Variants in ABTB2 observed in about 807,000 individuals in gnomAD.
ABTB2 encodes the protein ankyrin repeat and BTB/POZ domain-containing protein 2.
In ABTB2, 56 loss-of-function variants were observed where a neutral mutation model predicts 104.1. That is an observed-to-expected ratio of 0.54 (90% CI 0.43 to 0.67). The LOEUF (loss-of-function observed/expected upper bound fraction) is 0.67, where lower values mean the gene tolerates loss of function less well. Ranked by LOEUF, ABTB2 falls within the 30% of genes least tolerant of loss-of-function variation. ABTB2 has a pLI of 0.00. For missense variants in ABTB2, 1,279 were observed against 1,407.7 expected (o/e 0.91, Z 1.46); for synonymous variants, 606 against 608.2 (o/e 1.00, Z 0.05).
chr11:34,306,982 T>TAAAAAAAAAAAAAAAAAA (rs61161318), intron 1 of ABTB2, among the ~76,000 whole-genome samples: 1 of 94,570 alleles, frequency 1.1e-5, no homozygotes, highest in African/African-American at 4.0e-5. Flanking sequence ...TCAGGAAACT[T>TAAAAAAAAAAAAAAAAAA]AAAAAAAAAA....
Position 34,154,427 on chromosome 11 carries a change from GC to G in ABTB2, c.2767-50del. 7.3e-7 allele frequency: 1 copy of G among 1,367,398 alleles called. No homozygotes were observed. 84.7% of individuals were successfully genotyped at this position (1,367,398 alleles called of 1,614,324 possible). On this transcript the variant is annotated intron_variant, in intron 15 of 16. Coordinates refer to ENST00000435224, the MANE Select transcript of ABTB2 (RefSeq NM_145804.3). The surrounding 1 kb of genome is among the most constrained non-coding windows in gnomAD (Gnocchi z 4.9). ...TTGGGGACCCATGGCCAGACCAGTG[GC>G]CCAGACAGCACCGAACAGAAAGCTC... is the stretch of plus-strand genomic sequence containing the variant.
chr11:34,153,518 G>T lies in ABTB2; in HGVS notation c.2880+747C>A, dbSNP rs76948748. Among the ~76,000 whole-genome samples, 161 of 152,236 alleles carry T rather than the reference G, an allele frequency of 1.1e-3. 2 individuals carry two copies. The highest frequency in any genetic ancestry group is 3.6e-3 in the African/African-American group (151 of 41,532). ...TGAGCAACTGGGACCACAGATGCAC[G>T]CCACCACACTCAGCTAGTTTGTAGA... On this transcript the variant is annotated intron_variant, in intron 16 of 16. Transcript: ENST00000435224.
intron 1 of ABTB2, among the ~76,000 whole-genome samples, chr11:34,314,096 G>T (rs1174344511): frequency 1.3e-5 from 2 of 152,184 alleles, no homozygotes; most frequent in African/African-American, 4.8e-5. Flanking sequence ...GCTAATGCTG[G>T]TCACAGAGTG....
At chr11:34,298,304 C>T (rs1564926914) in intron 1 of ABTB2, among the ~76,000 whole-genome samples, 1 of 151,966 alleles carries the variant, frequency 6.6e-6, no homozygotes, top group Non-Finnish European at 1.5e-5. Context: ...CAGACTCAAT[C>T]ATTCATGGCA....
chr11:34,289,298 C>T (rs969574440), intron 1 of ABTB2, among the ~76,000 whole-genome samples: 1 of 152,200 alleles, frequency 6.6e-6, no homozygotes, highest in Non-Finnish European at 1.5e-5. Context: ...TACACATCAA[C>T]ACAGCATTTT....
Position 34,357,203 on chromosome 11 carries a change from G to A in ABTB2, c.381C>T (p.Arg127=). Residue 127 remains arginine (R), a synonymous_variant, in exon 1 of 17, where the codon CGC becomes CGT. Coordinates refer to ENST00000435224, the MANE Select transcript of ABTB2 (RefSeq NM_145804.3). ...GTGCCCTGCGGAGCAGCCCGGCCAG[G>A]CGCCTCACCGCCTCGGCGGAGAACT... ...LPQFSAEAVR[R]LAGLLRRALI... 1 of 1,508,640 alleles carries A rather than the reference G, an allele frequency of 6.6e-7. No individual in the cohort carries two copies. The highest frequency in any genetic ancestry group is 8.8e-7 in the Non-Finnish European group (1 of 1,136,450). 93.5% of individuals were successfully genotyped at this position (1,508,640 alleles called of 1,614,324 possible). A position where few individuals can be genotyped will look rare whatever the true frequency, so the allele number is the denominator to read the frequency against.
At chr11:34,227,103 G>A (rs1328832600) in intron 1 of ABTB2, among the ~76,000 whole-genome samples, 4 of 151,692 alleles carry the variant, frequency 2.6e-5, no homozygotes, top group African/African-American at 7.3e-5. Flanking sequence ...GCGAAATCCC[G>A]TCTGTACTAA....
intron 1 of ABTB2, among the ~76,000 whole-genome samples, chr11:34,312,009 C>A (rs373167710): frequency 6.6e-6 from 1 of 151,960 alleles, no homozygotes; most frequent in Admixed American, 6.6e-5. Context: ...GTCATGGTGG[C>A]GCACGCCTGT....
At chr11:34,325,569 A>G (rs1855060155) in intron 1 of ABTB2, among the ~76,000 whole-genome samples, 1 of 152,218 alleles carries the variant, frequency 6.6e-6, no homozygotes, top group Admixed American at 6.5e-5. Context: ...TAAGTGCTTA[A>G]TGAAGTTAGC....
At chr11:34,283,133 C>T (rs1448079080) in intron 1 of ABTB2, among the ~76,000 whole-genome samples, 2 of 146,858 alleles carry the variant, frequency 1.4e-5, no homozygotes, top group African/African-American at 5.1e-5. Context: ...TTAGCCAGGA[C>T]ATTCTCGATC....
At chr11:34,201,035 T>C (rs1853330215) in intron 2 of ABTB2, among the ~76,000 whole-genome samples, 1 of 152,226 alleles carries the variant, frequency 6.6e-6, no homozygotes, top group African/African-American at 2.4e-5. Context: ...TCTAGACATT[T>C]ATTTTGATTT....
chr11:34,181,086 G>A (rs1853020025), intron 3 of ABTB2, among the ~76,000 whole-genome samples: 1 of 152,052 alleles, frequency 6.6e-6, no homozygotes. Context: ...TGTATTTTTA[G>A]TAGAGACAGG....
intron 1 of ABTB2, among the ~76,000 whole-genome samples, chr11:34,241,287 G>A (rs144436777): frequency 5.3e-5 from 8 of 152,304 alleles, no homozygotes; most frequent in African/African-American, 1.9e-4. Context: ...CCTAAACGAG[G>A]GGAAAAGGAG....
At chr11:34,272,651 G>A (rs1854330586) in intron 1 of ABTB2, among the ~76,000 whole-genome samples, 1 of 134,222 alleles carries the variant, frequency 7.5e-6, no homozygotes. Context: ...AGCTTGCAGT[G>A]AGCCAAGACC....
At chr11:34,218,432 G>A (rs1853573274) in intron 1 of ABTB2, among the ~76,000 whole-genome samples, 1 of 152,014 alleles carries the variant, frequency 6.6e-6, no homozygotes, top group Non-Finnish European at 1.5e-5. Flanking sequence ...TTATAGTTTT[G>A]TGTTTTACAT....
intron 3 of ABTB2, among the ~76,000 whole-genome samples, chr11:34,184,119 G>A (rs1259987688): frequency 2.0e-5 from 3 of 150,890 alleles, no homozygotes; most frequent in East Asian, 1.9e-4. Context: ...GAGCTGCTGC[G>A]TCCGGCCTCC....
chr11:34,319,599 T>A (rs1437405974), intron 1 of ABTB2, among the ~76,000 whole-genome samples: 1 of 152,218 alleles, frequency 6.6e-6, no homozygotes, highest in Non-Finnish European at 1.5e-5. Flanking sequence ...TCACACTGTG[T>A]GGTAAGTTAT....
chr11:34,212,083 G>T (rs944731461), intron 1 of ABTB2, among the ~76,000 whole-genome samples: 3 of 151,636 alleles, frequency 2.0e-5, no homozygotes, highest in Non-Finnish European at 4.4e-5. Flanking sequence ...TTGAGACAGG[G>T]CCTTACTCTG....
At chr11:34,232,393 T>A (rs1385255277) in intron 1 of ABTB2, among the ~76,000 whole-genome samples, 2 of 147,264 alleles carry the variant, frequency 1.4e-5, no homozygotes, top group African/African-American at 5.0e-5. Context: ...GAGGCTGCAG[T>A]GAGCTGAGAT....
Sources: gnomAD v4.1 joint callset for allele counts (sites outside exome capture counted in the v4.1 genomes callset) on GRCh38, gnomAD v4.1.1 for gene constraint, Gnocchi (gnomAD v3.1) non-coding constraint, MANE v1.5 for transcripts, NCBI Gene and HGNC (gene_info 2026-07-23, HGNC 2026-07-21) for gene names.